The following SPOCK3 variants were observed in gnomAD, a reference collection of about 807,000 sequenced individuals.
The protein encoded by SPOCK3 is testican-3.
A neutral mutation model predicts 56.6 loss-of-function variants in SPOCK3; 30 were observed. The ratio of observed to expected loss-of-function variants is 0.53; its 90% CI spans 0.40 to 0.72. The LOEUF is 0.72. SPOCK3 is among the 30% of genes least tolerant of loss of function. The probability of loss-of-function intolerance (pLI) is 0.00; values close to 1 mark genes in which losing one functional copy is unlikely to be tolerated. For missense variants in SPOCK3, 527 were observed against 530.0 expected (o/e 0.99, Z 0.06); for synonymous variants, 196 against 183.3 (o/e 1.07, Z -0.56).
At chr4:167,042,329 T>C (rs1312325033) in intron 3 of SPOCK3, among the ~76,000 whole-genome samples, 1 of 152,208 alleles carries the variant, frequency 6.6e-6, no homozygotes, top group Admixed American at 6.6e-5. Context: ...CTGTAACTGC[T>C]GCTTATAGAA....
intron 4 of SPOCK3, among the ~76,000 whole-genome samples, chr4:166,947,592 A>T (rs1003047703): frequency 2.4e-4 from 36 of 151,974 alleles, no homozygotes; most frequent in Admixed American, 4.6e-4. Context: ...TTGGCAATTT[A>T]AAAAAAAGAA....
At chr4:167,010,540 T>C (rs1193663541) in intron 3 of SPOCK3, among the ~76,000 whole-genome samples, 4 of 116,764 alleles carry the variant, frequency 3.4e-5, no homozygotes, top group African/African-American at 6.1e-5. Context: ...AAAAAAAAAA[T>C]CCAGACACAT....
chr4:166,789,074 A>G (rs532029365), intron 7 of SPOCK3, among the ~76,000 whole-genome samples: 13 of 147,860 alleles, frequency 8.8e-5, no homozygotes, highest in Admixed American at 8.8e-4. Context: ...AAGACATTCT[A>G]TATCTTATCA....
At chr4:166,896,163 T>A (rs968125472) in intron 5 of SPOCK3, among the ~76,000 whole-genome samples, 1 of 152,122 alleles carries the variant, frequency 6.6e-6, no homozygotes, top group East Asian at 1.9e-4. Flanking sequence ...GAGAGTGGGT[T>A]ATCAATCTCA....
intron 2 of SPOCK3, among the ~76,000 whole-genome samples, chr4:167,070,545 A>C (rs114680461): frequency 0.054 from 8,239 of 151,960 alleles, 324 homozygotes; most frequent in African/African-American, 0.11. Flanking sequence ...CAAACTTTAG[A>C]ATTTTCCTAT....
chr4:166,855,013 T>C (rs7662771), intron 6 of SPOCK3, among the ~76,000 whole-genome samples: 1 of 152,216 alleles, frequency 6.6e-6, no homozygotes, highest in East Asian at 1.9e-4. Flanking sequence ...AAGAAGTTGA[T>C]GTTCCTTTAT....
At chr4:166,986,751 A>AT in intron 4 of SPOCK3, among the ~76,000 whole-genome samples, 1 of 152,100 alleles carries the variant, frequency 6.6e-6, no homozygotes, top group Non-Finnish European at 1.5e-5. Context: ...TAATCTAGTG[A>AT]TTTTACATCG....
intron 6 of SPOCK3, among the ~76,000 whole-genome samples, chr4:166,884,269 C>T (rs1005429391): frequency 1.3e-5 from 2 of 151,460 alleles, no homozygotes; most frequent in African/African-American, 4.9e-5. Flanking sequence ...AGGAGGATGG[C>T]GTGAACCCGG....
rs189983473 is a variant in SPOCK3, at chr4:167,213,433, C to T, written c.189+20552G>A. Among the ~76,000 whole-genome samples, 10 of 152,102 alleles carry T rather than the reference C, an allele frequency of 6.6e-5. No individual in the cohort carries two copies. The East Asian group carries it at 1.9e-3, about 29-fold the overall frequency. On this transcript the variant is annotated intron_variant, in intron 2 of 10. Coordinates refer to ENST00000357545, the MANE Select transcript of SPOCK3 (RefSeq NM_001040159.2). ...ATGTCACAAATTGCATTAATGATAA[C>T]ATTATAAAAAAGGTTATGTGATATT... is the stretch of plus-strand genomic sequence containing the variant.
At chr4:167,145,049 C>T (rs1580427127) in intron 2 of SPOCK3, among the ~76,000 whole-genome samples, 2 of 151,784 alleles carry the variant, frequency 1.3e-5, no homozygotes, top group South Asian at 4.2e-4. Flanking sequence ...TTAAATTAAT[C>T]CCAGAGATAC....
chr4:167,047,011 A>C (rs1176139910), intron 3 of SPOCK3, among the ~76,000 whole-genome samples: 1 of 152,194 alleles, frequency 6.6e-6, no homozygotes, highest in East Asian at 1.9e-4. Flanking sequence ...TGTAGAGGAC[A>C]TACGGATATA....
chr4:166,955,012 T>C (rs1743226034), intron 4 of SPOCK3, among the ~76,000 whole-genome samples: 1 of 152,170 alleles, frequency 6.6e-6, no homozygotes, highest in Non-Finnish European at 1.5e-5. Context: ...ACAGTATCTA[T>C]TATATGTTCA....
At chr4:167,011,024 A>G (rs781121664) in intron 3 of SPOCK3, among the ~76,000 whole-genome samples, 6 of 152,198 alleles carry the variant, frequency 3.9e-5, no homozygotes, top group Admixed American at 2.6e-4. Context: ...AAGAGATTTC[A>G]TAACTTTTAA....
intron 2 of SPOCK3, among the ~76,000 whole-genome samples, chr4:167,116,457 T>C (rs1310435524): frequency 7.4e-6 from 1 of 134,658 alleles, no homozygotes; most frequent in Non-Finnish European, 1.6e-5. Context: ...CACAAAAGTA[T>C]ATATATACAC....
At chr4:166,991,727 T>C (rs1440879130) in intron 4 of SPOCK3, among the ~76,000 whole-genome samples, 3 of 152,110 alleles carry the variant, frequency 2.0e-5, no homozygotes, top group Non-Finnish European at 4.4e-5. Context: ...AAATTACTAA[T>C]ATCTAAACAG....
intron 6 of SPOCK3, among the ~76,000 whole-genome samples, chr4:166,843,976 G>C (rs549857778): frequency 3.0e-4 from 45 of 152,240 alleles, no homozygotes; most frequent in African/African-American, 1.1e-3. Context: ...ATTACGTTGC[G>C]CTAATGACCA....
At chr4:167,106,089 G>C (rs1219627132) in intron 2 of SPOCK3, among the ~76,000 whole-genome samples, 9 of 151,824 alleles carry the variant, frequency 5.9e-5, no homozygotes, top group Admixed American at 1.3e-4. Flanking sequence ...AAAATCAACA[G>C]AGAAACATCA....
intron 2 of SPOCK3, among the ~76,000 whole-genome samples, chr4:167,099,202 T>C (rs1025442976): frequency 2.6e-5 from 4 of 151,960 alleles, no homozygotes; most frequent in African/African-American, 7.2e-5. Context: ...TGAATCTCGG[T>C]TAATGTATTA....
chr4:167,169,593 G>A (rs1730316103), intron 2 of SPOCK3, among the ~76,000 whole-genome samples: 1 of 152,260 alleles, frequency 6.6e-6, no homozygotes, highest in Admixed American at 6.5e-5. Flanking sequence ...TTAGGAGGAA[G>A]GGACTCGCAT....
Sources: allele counts gnomAD v4.1 joint callset (sites outside exome capture counted in the v4.1 genomes callset), GRCh38; gene constraint gnomAD v4.1.1; transcripts MANE v1.5; gene names NCBI Gene and HGNC (gene_info 2026-07-23, HGNC 2026-07-21).